The following TEX36 variants were observed in gnomAD, a reference collection of about 807,000 sequenced individuals.
The protein encoded by TEX36 is testis-expressed protein 36.
Under a neutral mutation model 13.6 loss-of-function variants are expected in TEX36, and 12 were observed. The observed-to-expected ratio is 0.88, with a 90% CI of 0.56 to 1.43. TEX36 has a LOEUF of 1.43. TEX36 is among the 40% of genes most tolerant of loss of function. The pLI is 0.00. For synonymous variants in TEX36, 93 were observed against 83.0 expected, an observed-to-expected ratio of 1.12 and a Z score of -0.65; for missense variants, 224 against 228.3, an observed-to-expected ratio of 0.98 and a Z score of 0.12.
At chr10:125,667,216 G>T in intron 1 of TEX36, 1 of 639,240 alleles carries the variant, frequency 1.6e-6, no homozygotes, top group Non-Finnish European at 3.0e-6. Context: ...CTCCTCGTGA[G>T]AAAACTTCTG....
intron 1 of TEX36, among the ~76,000 whole-genome samples, chr10:125,675,735 A>G (rs1847301110): frequency 6.6e-6 from 1 of 152,222 alleles, no homozygotes; most frequent in Non-Finnish European, 1.5e-5. Context: ...AGTCTCTGAC[A>G]GAATCAGGAT....
intron 3 of TEX36, among the ~76,000 whole-genome samples, chr10:125,602,800 A>G (rs554266999): frequency 6.6e-6 from 1 of 152,252 alleles, no homozygotes; most frequent in Non-Finnish European, 1.5e-5. Flanking sequence ...TGCCATATAG[A>G]ATTCTGTTCT....
At chr10:125,662,072 T>C in intron 1 of TEX36, 95 bp from the exon 2 acceptor site, 3 of 1,460,104 alleles carry the variant, frequency 2.1e-6, no homozygotes, top group Non-Finnish European at 2.7e-6. Flanking sequence ...TAAAATGCAA[T>C]TTGGGTGCTT....
intron 1 of TEX36, among the ~76,000 whole-genome samples, chr10:125,669,591 A>G (rs1399025748): frequency 6.6e-6 from 1 of 152,120 alleles, no homozygotes; most frequent in African/African-American, 2.4e-5. Context: ...TCTTTTTAAA[A>G]TTTATTTAAC....
At chr10:125,653,656 A>T (rs563350225), downstream of TEX36, among the ~76,000 whole-genome samples, 58 of 152,194 alleles carry the variant, frequency 3.8e-4, no homozygotes, top group Middle Eastern at 3.4e-3. Flanking sequence ...AAAAATTTTT[A>T]AAAAAAGAAA....
At chr10:125,582,307 T>C (rs1354698038) in intron 3 of TEX36, among the ~76,000 whole-genome samples, 5 of 152,180 alleles carry the variant, frequency 3.3e-5, no homozygotes, top group African/African-American at 1.2e-4. Flanking sequence ...AACTGTATCT[T>C]CTTAACCTCA....
intron 3 of TEX36, among the ~76,000 whole-genome samples, chr10:125,587,786 TAAAAAAAAAAA>T (rs56198506): frequency 9.8e-6 from 1 of 101,898 alleles, no homozygotes; most frequent in Non-Finnish European, 2.0e-5. Context: ...GTCTCAAAAT[TAAAAAAAAAAA>T]AAAAAAAAAA....
chr10:125,581,782 G>A lies in TEX36; in HGVS notation c.265-4908C>T, dbSNP rs1161588369. On this transcript the variant is annotated intron_variant, in intron 3 of 3. Coordinates refer to the TEX36 transcript ENST00000532135. ...AGAGAAGTGGTCACTGGGGGATGTA[G>A]GGTGGTGGTCTCTCAACCTTATCTG... 2.6e-5 allele frequency among the ~76,000 whole-genome samples: 4 copies of A among 152,204 alleles called. No homozygotes were observed. In the South Asian group the frequency reaches 8.3e-4, roughly 31 times the overall value.
intron 3 of TEX36, among the ~76,000 whole-genome samples, chr10:125,602,956 C>G (rs2274530): frequency 0.19 from 29,101 of 152,204 alleles, 7,433 homozygotes; most frequent in African/African-American, 0.58. Flanking sequence ...TGTGGCTTGC[C>G]GTTCCAGTTC....
At chr10:125,667,722 C>T (rs543722050) in intron 1 of TEX36, 18 of 761,010 alleles carry the variant, frequency 2.4e-5, no homozygotes, top group African/African-American at 3.4e-5. Flanking sequence ...AAGAGGATGA[C>T]GTCCCCGATG....
At chr10:125,677,438 A>C (rs1847328789) in intron 1 of TEX36, among the ~76,000 whole-genome samples, 1 of 152,166 alleles carries the variant, frequency 6.6e-6, no homozygotes, top group South Asian at 2.1e-4. Context: ...ATTATTTCAA[A>C]AGACCTGTCT....
At chr10:125,679,497 C>T (rs1847362667) in intron 1 of TEX36, among the ~76,000 whole-genome samples, 2 of 152,046 alleles carry the variant, frequency 1.3e-5, no homozygotes, top group South Asian at 4.2e-4. Context: ...TTCCGGGAGA[C>T]TCTCTCTGTT....
At chr10:125,649,079 C>T (rs535309350) in intron 3 of TEX36, among the ~76,000 whole-genome samples, 12 of 152,334 alleles carry the variant, frequency 7.9e-5, no homozygotes, top group Admixed American at 6.5e-4. Flanking sequence ...TGGAAAACCT[C>T]TTCAGGATAT....
chr10:125,682,973 C>A lies in TEX36; in HGVS notation c.17G>T (p.Arg6Leu), dbSNP rs374198701. Reference protein sequence around the residue: MTKGRRFNPPSDKDGR... With the variant: MTKGRLFNPPSDKDGR... ...ATCCTTGTCTGAAGGTGGGTTGAAG[C>A]GTCGCCCTTTGGTCATTCTCTCCAG... The change falls in exon 1 of 4, where the codon CGC (arginine) becomes CTC (leucine). Residue 6 changes from arginine to leucine, a missense_variant. Physicochemically the swap from Arg to Leu is moderately radical, Grantham distance 102. Transcript: ENST00000368821. The A allele has an allele frequency of 6.4e-7, 1 of 1,551,728 alleles. No individual in the cohort carries two copies. The highest frequency in any genetic ancestry group is 1.4e-5 in the African/African-American group (1 of 73,158).
At position 125,659,280 on chromosome 10, in the gene TEX36, A is replaced by G. The variant is rs147433798; in HGVS notation, c.264+1741T>C. ...GAAAGCTTCCAAGGCTTTCTAGAAG[A>G]CTATCATAACCTTGGCAAAATACAA... On this transcript the variant is annotated intron_variant, in intron 3 of 3. Transcript: ENST00000368821. 2.5e-3 allele frequency among the ~76,000 whole-genome samples: 374 copies of G among 152,306 alleles called. 2 individuals are homozygous for G. The highest frequency in any genetic ancestry group is 8.5e-3 in the African/African-American group (354 of 41,568).
intron 1 of TEX36, among the ~76,000 whole-genome samples, chr10:125,677,159 T>A (rs573448645): frequency 4.7e-4 from 71 of 152,362 alleles, no homozygotes; most frequent in African/African-American, 1.3e-3. Flanking sequence ...TTAGATAGTC[T>A]GACTATAACA....
At chr10:125,586,878 C>T (rs1460105798) in intron 3 of TEX36, among the ~76,000 whole-genome samples, 17 of 152,032 alleles carry the variant, frequency 1.1e-4, no homozygotes, top group East Asian at 1.9e-4. Context: ...TTGTAATCCC[C>T]GGTGTTGGAG....
intron 3 of TEX36, among the ~76,000 whole-genome samples, chr10:125,650,290 A>G (rs560958877): frequency 1.3e-5 from 2 of 152,236 alleles, no homozygotes; most frequent in African/African-American, 4.8e-5. Context: ...AAATTATAAC[A>G]AACTGTCTCT....
At chr10:125,664,752 A>C (rs1287301936) in intron 1 of TEX36, among the ~76,000 whole-genome samples, 5 of 152,180 alleles carry the variant, frequency 3.3e-5, no homozygotes, top group Admixed American at 6.5e-5. Flanking sequence ...TTTTCTTTAT[A>C]AATTACCAGT....
Sources: gnomAD v4.1 joint callset for allele counts (sites outside exome capture counted in the v4.1 genomes callset) on GRCh38, gnomAD v4.1.1 for gene constraint, MANE v1.5 for transcripts, NCBI Gene and HGNC (gene_info 2026-07-23, HGNC 2026-07-21) for gene names.